The following ADAMTS6 variants were observed in gnomAD, a reference collection of about 807,000 sequenced individuals.
ADAMTS6 encodes A disintegrin and metalloproteinase with thrombospondin motifs 6.
A neutral mutation model predicts 144.3 loss-of-function variants in ADAMTS6; 23 were observed. The ratio of observed to expected loss-of-function variants is 0.16; its 90% confidence interval spans 0.11 to 0.23. ADAMTS6 has a LOEUF of 0.23. Among genes scored for constraint, ADAMTS6 ranks in the 10% least tolerant of loss-of-function variants. ADAMTS6 has a pLI of 1.00. For synonymous variants in ADAMTS6, 444 were observed against 457.5 expected (o/e 0.97, Z 0.38); for missense variants, 999 against 1,379.6 (o/e 0.72, Z 4.37).
intron 9 of ADAMTS6, among the ~76,000 whole-genome samples, chr5:65,321,641 TAGG>T (rs1394211671): frequency 6.6e-6 from 1 of 151,856 alleles, no homozygotes; most frequent in Non-Finnish European, 1.5e-5. Context: ...TTGTATTGCC[TAGG>T]TTCTTTCAGG....
intron 7 of ADAMTS6, among the ~76,000 whole-genome samples, chr5:65,366,361 G>A (rs888259053): frequency 3.3e-5 from 5 of 152,032 alleles, no homozygotes; most frequent in African/African-American, 1.2e-4. Context: ...TCTTAAAATA[G>A]TCAAAGAAAA....
At chr5:65,418,531 C>T (rs78815866) in intron 7 of ADAMTS6, among the ~76,000 whole-genome samples, 4,291 of 152,100 alleles carry the variant, frequency 0.028, 207 homozygotes, top group African/African-American at 0.097. Context: ...CTTCCAAGTA[C>T]CCCATGTACA....
chr5:65,230,738 A>G, intron 15 of ADAMTS6, among the ~76,000 whole-genome samples: 1 of 101,954 alleles, frequency 9.8e-6, no homozygotes, highest in South Asian at 3.2e-4. Flanking sequence ...ATATATATAT[A>G]ACACATATGT....
In ADAMTS6 at chr5:65,224,339, G is replaced by C. The variant is rs368939424; in HGVS notation, c.2253C>G (p.Ala751=). Residue 751 remains alanine (A), a synonymous_variant, in exon 18 of 25, where the codon GCC becomes GCG. Coordinates refer to ENST00000381055, the MANE Select transcript of ADAMTS6 (RefSeq NM_197941.4). ...GSVHIEVREV[A]MSKNYIALKS... ...ACATACCAATATAGTTCTTTGACAT[G>C]GCAACTTCTCTAACTTCAATGTGAA... 9.9e-6 allele frequency: 16 copies of C among 1,613,934 alleles called. No individual in the cohort carries two copies. The African/African-American group carries it at 1.6e-4, about 16-fold the overall frequency.
chr5:65,157,999 T>G lies in ADAMTS6; in HGVS notation c.3245-6054A>C, dbSNP rs1440969053. ...TTCTCTCTTTGCTTTCTCAAGTTTC[T>G]TTTTATTTAGTCTTATTCCCTGGAT... On this transcript the variant is annotated intron_variant, in intron 24 of 24. Coordinates refer to ENST00000381055, the MANE Select transcript of ADAMTS6 (RefSeq NM_197941.4). Among the ~76,000 whole-genome samples the G allele has an allele frequency of 3.3e-5, 5 of 152,198 alleles. No homozygotes were observed. In the East Asian group the frequency reaches 9.6e-4, roughly 29 times the overall value.
At chr5:65,258,483 T>C (rs1289631327) in intron 14 of ADAMTS6, among the ~76,000 whole-genome samples, 2 of 152,156 alleles carry the variant, frequency 1.3e-5, no homozygotes, top group Admixed American at 6.5e-5. Context: ...TTAAGTAAAA[T>C]GGGGAGCCAT....
intron 13 of ADAMTS6, 71 bp downstream of exon 13, chr5:65,262,746 T>A: frequency 3.5e-6 from 5 of 1,429,372 alleles, no homozygotes; most frequent in Non-Finnish European, 3.7e-6. Context: ...ACAGATAACA[T>A]GTGAAACCAC....
chr5:65,398,968 G>T (rs1384097270), intron 7 of ADAMTS6, among the ~76,000 whole-genome samples: 1 of 151,834 alleles, frequency 6.6e-6, no homozygotes, highest in Non-Finnish European at 1.5e-5. Context: ...ATTTAAAGTG[G>T]ATTTCTTGGC....
At chr5:65,285,683 T>TATGTCTATTTTAATA (rs1283914057) in intron 11 of ADAMTS6, among the ~76,000 whole-genome samples, 2 of 152,060 alleles carry the variant, frequency 1.3e-5, no homozygotes, top group Non-Finnish European at 2.9e-5. Context: ...AAATAGATAG[T>TATGTCTATTTTAATA]ATGTCAGGAA....
Position 65,197,113 on chromosome 5 carries a change from C to T in ADAMTS6, c.2614G>A (p.Asp872Asn). The change falls in exon 21 of 25, where the codon GAC becomes AAC. Residue 872 changes from aspartate to asparagine, a missense_variant. Coordinates refer to ENST00000381055, the MANE Select transcript of ADAMTS6 (RefSeq NM_197941.4). ...TAATTGTTCTGGACAATGGAGTTGT[C>T]ATCCAACCTTTTACAGACCACCTCC... Reference protein sequence around the residue: ...RQEVVCKRLDDNSIVQNNYCD... With the variant: ...RQEVVCKRLDNNSIVQNNYCD... 6.2e-7 allele frequency: 1 copy of T among 1,613,846 alleles called. No homozygotes were observed. Among genetic ancestry groups the T allele is most frequent in the Non-Finnish European group, 8.5e-7 (1 of 1,179,836 alleles).
chr5:65,223,725 T>C (rs1386286439), intron 18 of ADAMTS6, among the ~76,000 whole-genome samples: 5 of 152,186 alleles, frequency 3.3e-5, no homozygotes, highest in African/African-American at 1.2e-4. Flanking sequence ...CAGACGTTTA[T>C]GTTGTTTCTA....
intron 14 of ADAMTS6, among the ~76,000 whole-genome samples, chr5:65,252,459 T>G (rs1760260491): frequency 6.6e-6 from 1 of 151,896 alleles, no homozygotes; most frequent in Admixed American, 6.6e-5. Context: ...GCCAGGCTGG[T>G]CTTGAACTCC....
intron 7 of ADAMTS6, among the ~76,000 whole-genome samples, chr5:65,450,409 T>C (rs905340307): frequency 1.3e-5 from 2 of 152,182 alleles, no homozygotes; most frequent in South Asian, 2.1e-4. Flanking sequence ...TTCTAACTCA[T>C]ATACTTTGTA....
At chr5:65,467,765 G>A (rs570044672) in intron 3 of ADAMTS6, among the ~76,000 whole-genome samples, 1 of 152,112 alleles carries the variant, frequency 6.6e-6, no homozygotes, top group Non-Finnish European at 1.5e-5. Flanking sequence ...CTGTTCTGAG[G>A]TAATTTTTGA....
chr5:65,342,848 A>G (rs759124116), intron 7 of ADAMTS6, among the ~76,000 whole-genome samples: 3 of 152,190 alleles, frequency 2.0e-5, no homozygotes, highest in Non-Finnish European at 4.4e-5. Flanking sequence ...ATACAAATTC[A>G]GTAAAGTTAC....
intron 11 of ADAMTS6, among the ~76,000 whole-genome samples, chr5:65,284,285 C>T (rs909881988): frequency 1.3e-5 from 2 of 152,022 alleles, no homozygotes; most frequent in African/African-American, 4.8e-5. Flanking sequence ...ACTATCTTGT[C>T]TCTAGCAGTT....
chr5:65,162,620 T>TACACACACACACACAC (rs10529076), intron 24 of ADAMTS6, among the ~76,000 whole-genome samples: 3 of 145,836 alleles, frequency 2.1e-5, no homozygotes, highest in African/African-American at 5.1e-5. Context: ...TATAAGATAC[T>TACACACACACACACAC]ACACACACAC....
intron 20 of ADAMTS6, among the ~76,000 whole-genome samples, chr5:65,199,199 G>T (rs1580028947): frequency 6.6e-6 from 1 of 151,982 alleles, no homozygotes; most frequent in South Asian, 2.1e-4. Context: ...ACATATCTTG[G>T]TTATTTCTCA....
chr5:65,406,056 T>C (rs1447689605), intron 7 of ADAMTS6, among the ~76,000 whole-genome samples: 3 of 152,190 alleles, frequency 2.0e-5, no homozygotes, highest in Admixed American at 6.5e-5. Flanking sequence ...GCTGAGACGA[T>C]GGGGTTTTCT....
Sources: gnomAD v4.1 joint callset for allele counts (sites outside exome capture counted in the v4.1 genomes callset) on GRCh38, gnomAD v4.1.1 for gene constraint, MANE v1.5 for transcripts, NCBI Gene and HGNC (gene_info 2026-07-23, HGNC 2026-07-21) for gene names.